The following ATP6V0A4 variants were observed in gnomAD, a reference collection of about 807,000 sequenced individuals.
ATP6V0A4 encodes the protein V-type proton ATPase 116 kDa subunit a 4.
A neutral mutation model predicts 107.3 loss-of-function variants in ATP6V0A4; 86 were observed. That is an observed-to-expected ratio of 0.80 (90% CI 0.67 to 0.96). ATP6V0A4 has a LOEUF of 0.96. Among genes scored for constraint, ATP6V0A4 ranks in the 40% least tolerant of loss-of-function variants. ATP6V0A4 has a pLI of 0.00. For missense variants in ATP6V0A4, 908 were observed against 1,045.6 expected, an observed-to-expected ratio of 0.87 and a Z score of 1.81; for synonymous variants, 353 against 381.4, an observed-to-expected ratio of 0.93 and a Z score of 0.87.
At chr7:138,769,019 C>A in intron 4 of ATP6V0A4, 145 bp from the exon 5 acceptor site, 2 of 1,565,078 alleles carry the variant, frequency 1.3e-6, no homozygotes, top group East Asian at 2.3e-5. Flanking sequence ...GATCCCACCC[C>A]CAACCTCCCC....
chr7:138,743,131 C>T (rs2117265546), intron 14 of ATP6V0A4, among the ~76,000 whole-genome samples: 1 of 152,054 alleles, frequency 6.6e-6, no homozygotes, highest in East Asian at 1.9e-4. Context: ...ACATCAAGCC[C>T]TTTGAATGCC....
intron 21 of ATP6V0A4, 170 bp from the exon 22 acceptor site, chr7:138,706,887 GGA>G: frequency 3.9e-6 from 2 of 506,878 alleles, no homozygotes; most frequent in Non-Finnish European, 4.9e-6. Flanking sequence ...AGAATCCTGA[GGA>G]TTTTTTTTTT....
chr7:138,725,088 T>C (rs898966117), intron 18 of ATP6V0A4, among the ~76,000 whole-genome samples: 1 of 152,024 alleles, frequency 6.6e-6, no homozygotes, highest in African/African-American at 2.4e-5. Flanking sequence ...TTGGGCAACA[T>C]AGCAAGACCT....
chr7:138,732,350 C>A (rs979327781), intron 17 of ATP6V0A4, among the ~76,000 whole-genome samples: 1 of 152,052 alleles, frequency 6.6e-6, no homozygotes, highest in Non-Finnish European at 1.5e-5. Context: ...TCATGTATTA[C>A]CCCAACAAGA....
intron 17 of ATP6V0A4, among the ~76,000 whole-genome samples, chr7:138,732,251 G>A (rs1390922335): frequency 6.6e-6 from 1 of 152,152 alleles, no homozygotes; most frequent in Non-Finnish European, 1.5e-5. Context: ...TTCTACAGCT[G>A]CAAGCCTAAC....
At chr7:138,749,782 T>A (rs1488766866) in intron 11 of ATP6V0A4, among the ~76,000 whole-genome samples, 1 of 152,100 alleles carries the variant, frequency 6.6e-6, no homozygotes, top group Non-Finnish European at 1.5e-5. Context: ...CCAGGTCCCC[T>A]CCACAAACTC....
At chr7:138,729,378 AAAAG>A (rs1804875278) in intron 17 of ATP6V0A4, among the ~76,000 whole-genome samples, 1 of 152,178 alleles carries the variant, frequency 6.6e-6, no homozygotes, top group Non-Finnish European at 1.5e-5. Context: ...TATCTCTTAA[AAAAG>A]AAAAAAGAAG....
intron 12 of ATP6V0A4, 45 bp from the exon 13 acceptor site, chr7:138,747,609 C>G: frequency 6.2e-7 from 1 of 1,606,558 alleles, no homozygotes; most frequent in South Asian, 1.1e-5. Flanking sequence ...AGCACAGCCT[C>G]GGGGCCCCCA....
Position 138,706,498 on chromosome 7 carries a change from A to G in ATP6V0A4, c.*126T>C. On this transcript the variant is annotated 3_prime_UTR_variant, in exon 22 of 22. Coordinates refer to ENST00000310018, the MANE Select transcript of ATP6V0A4 (RefSeq NM_020632.3). Reference sequence around the variant, plus strand: ...ACAGGCTGACGTCCAAATAATACACAGTTTCATGCTTCAGGTGAGCCAAGA... The same window carrying G: ...ACAGGCTGACGTCCAAATAATACACGGTTTCATGCTTCAGGTGAGCCAAGA... The G allele has an allele frequency of 8.7e-7, 1 of 1,153,878 alleles. No individual in the cohort carries two copies. Among genetic ancestry groups the G allele is most frequent in the Non-Finnish European group, 1.3e-6 (1 of 795,794 alleles). 71.5% of individuals were successfully genotyped at this position (1,153,878 alleles called of 1,614,324 possible).
At chr7:138,777,573 C>T (rs1276607676) in intron 2 of ATP6V0A4, among the ~76,000 whole-genome samples, 2 of 147,338 alleles carry the variant, frequency 1.4e-5, no homozygotes, top group Non-Finnish European at 3.0e-5. Context: ...CAAGATCGTG[C>T]CATTGCACCC....
At chr7:138,751,173 C>T (rs1046185316) in intron 11 of ATP6V0A4, among the ~76,000 whole-genome samples, 2 of 152,162 alleles carry the variant, frequency 1.3e-5, no homozygotes, top group African/African-American at 4.8e-5. Flanking sequence ...ACTCCTCCCA[C>T]CCCGTGAAAT....
chr7:138,746,197 C>T (rs1025529921), intron 13 of ATP6V0A4, among the ~76,000 whole-genome samples: 2 of 150,762 alleles, frequency 1.3e-5, no homozygotes, highest in Non-Finnish European at 2.9e-5. Context: ...AACTGGCCTC[C>T]CATGGCTGCT....
intron 15 of ATP6V0A4, among the ~76,000 whole-genome samples, 153 bp downstream of exon 15, chr7:138,739,387 G>A (rs1562993651): frequency 6.6e-6 from 1 of 152,202 alleles, no homozygotes; most frequent in Non-Finnish European, 1.5e-5. Flanking sequence ...ACTTGACTCT[G>A]GCTCTATGTG....
chr7:138,752,947 C>A (rs1483164205), intron 10 of ATP6V0A4, 110 bp from the exon 11 acceptor site: 2 of 1,538,174 alleles, frequency 1.3e-6, no homozygotes, highest in Non-Finnish European at 1.7e-6. Context: ...CTCTGGCAGG[C>A]TCCTTTGACC....
At chr7:138,707,238 AT>A (rs1562972701) in intron 21 of ATP6V0A4, among the ~76,000 whole-genome samples, 6 of 85,538 alleles carry the variant, frequency 7.0e-5, no homozygotes, top group South Asian at 2.9e-4. Flanking sequence ...TATATAATAT[AT>A]ATTATATTAT....
chr7:138,727,008 G>A (rs918060121), intron 18 of ATP6V0A4, among the ~76,000 whole-genome samples: 3 of 151,290 alleles, frequency 2.0e-5, no homozygotes, highest in Non-Finnish European at 2.9e-5. Flanking sequence ...GCAGTAACCT[G>A]GCTCTTGGCT....
At chr7:138,708,076 G>C (rs182940227) in intron 21 of ATP6V0A4, among the ~76,000 whole-genome samples, 1 of 146,358 alleles carries the variant, frequency 6.8e-6, no homozygotes, top group African/African-American at 2.5e-5. Context: ...TTTTGAGACG[G>C]AGTCTCGCTC....
intron 3 of ATP6V0A4, among the ~76,000 whole-genome samples, chr7:138,769,728 T>C (rs1584940469): frequency 6.6e-6 from 1 of 152,172 alleles, no homozygotes; most frequent in East Asian, 1.9e-4. Context: ...CACACCTTAG[T>C]GTTCTTACAT....
chr7:138,793,110 A>G (rs963796011), intron 1 of ATP6V0A4, among the ~76,000 whole-genome samples: 1 of 152,032 alleles, frequency 6.6e-6, no homozygotes, highest in African/African-American at 2.4e-5. Flanking sequence ...CCTGGCCAAC[A>G]TGGTGAAACC....
Sources: gnomAD v4.1 joint callset for allele counts (sites outside exome capture counted in the v4.1 genomes callset) on GRCh38, gnomAD v4.1.1 for gene constraint, MANE v1.5 for transcripts, NCBI Gene and HGNC (gene_info 2026-07-23, HGNC 2026-07-21) for gene names.